The following PEBP4 variants were observed in gnomAD, a reference collection of about 807,000 sequenced individuals.
The protein encoded by PEBP4 is phosphatidylethanolamine binding protein 4, also known as phosphatidylethanolamine-binding protein 4.
PEBP4 carries 22 observed loss-of-function variants against 23.9 expected under a neutral mutation model. The observed-to-expected ratio is 0.92, with a 90% CI of 0.66 to 1.31. The LOEUF (loss-of-function observed/expected upper bound fraction) is 1.31. Among genes scored for constraint, PEBP4 ranks in the 40% most tolerant of loss-of-function variants. PEBP4 has a pLI of 0.00. For synonymous variants in PEBP4, 112 were observed against 99.3 expected (o/e 1.13, Z -0.76); for missense variants, 324 against 281.7 (o/e 1.15, Z -1.07).
intron 4 of PEBP4, among the ~76,000 whole-genome samples, chr8:22,796,251 AGTGTGCGT>A (rs1221218558): frequency 2.2e-4 from 24 of 109,432 alleles, no homozygotes; most frequent in African/African-American, 8.3e-4. Flanking sequence ...GCAATTCTCA[AGTGTGCGT>A]GTGTGTGTGT....
chr8:22,750,057 C>T lies in PEBP4; in HGVS notation c.358-22837G>A, dbSNP rs188792603. Reference sequence around the variant, plus strand: ...CCGACCTCATGTGATCCGCCTGCCTCGGCCTCCCAAAGTGCTGGGATTACA... The same window carrying T: ...CCGACCTCATGTGATCCGCCTGCCTTGGCCTCCCAAAGTGCTGGGATTACA... On this transcript the variant is annotated intron_variant, in intron 4 of 6. Transcript: ENST00000256404. Among the ~76,000 whole-genome samples, 40 of 152,020 alleles carry T rather than the reference C, an allele frequency of 2.6e-4. 1 individual carries two copies. In the East Asian group the frequency reaches 4.5e-3, roughly 17 times the overall value.
chr8:22,772,493 C>CTTT lies in PEBP4; in HGVS notation c.357+45141_357+45143dup, dbSNP rs34489811. On this transcript the variant is annotated intron_variant, in intron 4 of 6. Transcript: ENST00000256404. ...GGGCAGGTATTCTCTCTCTCTCTCTCTTTTTTTTTTTTTTTTTTTTGAGAC... is the reference window on the plus strand; with the variant it reads ...GGGCAGGTATTCTCTCTCTCTCTCTCTTTTTTTTTTTTTTTTTTTTTTTGAGAC... 1.9e-3 allele frequency among the ~76,000 whole-genome samples: 233 copies of CTTT among 121,484 alleles called. 2 individuals carry two copies. The highest frequency in any genetic ancestry group is 5.1e-3 in the Middle Eastern group (1 of 198). The allele number at this position is 121,484 out of a possible 152,430, so 79.7% of individuals were successfully genotyped here.
chr8:22,925,096 C>A, intron 2 of PEBP4: 1 of 985,266 alleles, frequency 1.0e-6, no homozygotes, highest in Non-Finnish European at 1.2e-6. Flanking sequence ...CTCAGGGGTC[C>A]GATCTGTCCT....
chr8:22,923,604 G>A (rs189966516), intron 2 of PEBP4, among the ~76,000 whole-genome samples: 2 of 152,076 alleles, frequency 1.3e-5, no homozygotes, highest in Non-Finnish European at 2.9e-5. Context: ...AGCTGTGCCT[G>A]TATGAAGGGC....
intron 4 of PEBP4, among the ~76,000 whole-genome samples, chr8:22,797,616 G>A (rs2128758079): frequency 6.6e-6 from 1 of 152,358 alleles, no homozygotes; most frequent in Middle Eastern, 3.4e-3. Flanking sequence ...GTAAGTTGCT[G>A]ATGGTGAGCA....
chr8:22,838,456 C>T (rs548897267), intron 3 of PEBP4, among the ~76,000 whole-genome samples: 57 of 152,344 alleles, frequency 3.7e-4, no homozygotes, highest in Non-Finnish European at 3.7e-4. Context: ...GAGCCTGCAC[C>T]TTGGCTTGGG....
intron 4 of PEBP4, among the ~76,000 whole-genome samples, chr8:22,749,132 T>G (rs1252671749): frequency 2.0e-5 from 3 of 152,188 alleles, no homozygotes; most frequent in Admixed American, 2.0e-4. Context: ...CTTGTTTTCC[T>G]GGAAGTAGGA....
At chr8:22,768,141 A>G (rs530468169) in intron 4 of PEBP4, among the ~76,000 whole-genome samples, 1 of 152,286 alleles carries the variant, frequency 6.6e-6, no homozygotes, top group South Asian at 2.1e-4. Context: ...GGTCTTGGGC[A>G]AAGACAGTGG....
chr8:22,716,536 T>C (rs756330516), intron 6 of PEBP4, among the ~76,000 whole-genome samples: 1 of 152,214 alleles, frequency 6.6e-6, no homozygotes, highest in East Asian at 1.9e-4. Context: ...CCAGGGACTG[T>C]GATGATGGCA....
intron 3 of PEBP4, chr8:22,885,970 A>G (rs747443124): frequency 1.3e-5 from 2 of 152,170 alleles, no homozygotes; most frequent in Non-Finnish European, 2.9e-5. Flanking sequence ...AGACAGGCTC[A>G]CTTCTCTCCT....
chr8:22,860,112 G>A (rs564221191), intron 3 of PEBP4, among the ~76,000 whole-genome samples: 57 of 49,172 alleles, frequency 1.2e-3, no homozygotes, highest in Admixed American at 3.2e-3. Flanking sequence ...GTGAGACTCC[G>A]TCTCAAAAAA....
intron 3 of PEBP4, among the ~76,000 whole-genome samples, chr8:22,823,058 A>G (rs899348856): frequency 1.3e-5 from 2 of 152,076 alleles, no homozygotes; most frequent in Admixed American, 6.5e-5. Context: ...AGATATTAAC[A>G]TATCTTAAGC....
intron 3 of PEBP4, among the ~76,000 whole-genome samples, chr8:22,905,448 T>C (rs2128777707): frequency 6.6e-6 from 1 of 152,372 alleles, no homozygotes; most frequent in Non-Finnish European, 1.5e-5. Context: ...TCAAATGTTG[T>C]TGTAATTCAC....
chr8:22,881,010 T>TC (rs955311724), intron 3 of PEBP4, among the ~76,000 whole-genome samples: 1 of 152,224 alleles, frequency 6.6e-6, no homozygotes, highest in African/African-American at 2.4e-5. Context: ...TGGCTGCACT[T>TC]CCCAGGCTTC....
At chr8:22,741,743 C>T (rs539399348) in intron 4 of PEBP4, among the ~76,000 whole-genome samples, 15 of 152,298 alleles carry the variant, frequency 9.8e-5, no homozygotes, top group South Asian at 2.1e-4. Context: ...TGGAAGCCAG[C>T]GCCACCGTCC....
intron 4 of PEBP4, among the ~76,000 whole-genome samples, chr8:22,790,394 G>A (rs1352252269): frequency 6.6e-6 from 1 of 152,214 alleles, no homozygotes; most frequent in Non-Finnish European, 1.5e-5. Flanking sequence ...CGAGGGCCCT[G>A]ATGGCTGAGG....
chr8:22,808,666 G>C (rs774835311), intron 4 of PEBP4, among the ~76,000 whole-genome samples: 2 of 152,172 alleles, frequency 1.3e-5, no homozygotes, highest in Non-Finnish European at 2.9e-5. Flanking sequence ...TTGCCTCACG[G>C]AGATGAGGAG....
At chr8:22,858,686 C>G (rs1563239741) in intron 3 of PEBP4, among the ~76,000 whole-genome samples, 1 of 152,214 alleles carries the variant, frequency 6.6e-6, no homozygotes, top group Admixed American at 6.5e-5. Context: ...GTGGTTCATG[C>G]CTGTAATCCC....
chr8:22,760,845 G>A (rs923456581), intron 4 of PEBP4, among the ~76,000 whole-genome samples: 1 of 152,164 alleles, frequency 6.6e-6, no homozygotes, highest in Non-Finnish European at 1.5e-5. Context: ...CTCTGGCAAA[G>A]GTTCCCCTGA....
Sources: gnomAD v4.1 joint callset for allele counts (sites outside exome capture counted in the v4.1 genomes callset) on GRCh38, gnomAD v4.1.1 for gene constraint, MANE v1.5 for transcripts, NCBI Gene and HGNC (gene_info 2026-07-23, HGNC 2026-07-21) for gene names.